The following CSMD1 variants were observed in gnomAD, a reference collection of about 807,000 sequenced individuals.
CSMD1 encodes the protein CUB and Sushi multiple domains 1, also known as CUB and sushi domain-containing protein 1.
A neutral mutation model predicts 417.5 loss-of-function variants in CSMD1; 213 were observed. The ratio of observed to expected loss-of-function variants is 0.51; its 90% CI spans 0.46 to 0.57. CSMD1 has a LOEUF of 0.57. Ranked by LOEUF, CSMD1 falls within the 20% of genes least tolerant of loss-of-function variation. CSMD1 has a pLI of 0.00. For synonymous variants in CSMD1, 2,862 were observed against 1,736.8 expected (o/e 1.65, Z -16.11); for missense variants, 6,923 against 4,529.7 (o/e 1.53, Z -15.17).
chr8:4,109,278 A>G (rs931260104), intron 3 of CSMD1, among the ~76,000 whole-genome samples: 2 of 152,178 alleles, frequency 1.3e-5, no homozygotes, highest in Non-Finnish European at 2.9e-5. Context: ...TTTGCAGAAC[A>G]CACAGATATG....
chr8:4,411,203 G>A (rs1051346373), intron 3 of CSMD1, among the ~76,000 whole-genome samples: 5 of 151,942 alleles, frequency 3.3e-5, no homozygotes, highest in African/African-American at 9.7e-5. Context: ...AATGAACTAG[G>A]AAACCCATCA....
intron 1 of CSMD1, among the ~76,000 whole-genome samples, chr8:4,789,865 CTT>C (rs893364172): frequency 2.0e-5 from 3 of 152,122 alleles, no homozygotes; most frequent in Admixed American, 6.6e-5. Flanking sequence ...TTTTAGTACT[CTT>C]TTATTTTACA....
chr8:3,140,455 G>C (rs1420755692), intron 41 of CSMD1, among the ~76,000 whole-genome samples: 1 of 152,178 alleles, frequency 6.6e-6, no homozygotes, highest in Non-Finnish European at 1.5e-5. Context: ...CACAGAAAGA[G>C]TGTTTCATAG....
At chr8:4,338,657 A>C (rs151078469) in intron 3 of CSMD1, among the ~76,000 whole-genome samples, 3 of 152,232 alleles carry the variant, frequency 2.0e-5, no homozygotes, top group East Asian at 1.9e-4. Context: ...AAATGTGCTC[A>C]CGGGTGAGTC....
intron 1 of CSMD1, among the ~76,000 whole-genome samples, chr8:4,793,014 A>C (rs1455376846): frequency 2.0e-5 from 3 of 151,898 alleles, no homozygotes; most frequent in Non-Finnish European, 4.4e-5. Context: ...ATATCTCCAC[A>C]CACATACATA....
intron 26 of CSMD1, among the ~76,000 whole-genome samples, chr8:3,240,510 T>G (rs563532964): frequency 1.3e-5 from 2 of 151,780 alleles, no homozygotes; most frequent in South Asian, 2.1e-4. Flanking sequence ...TTATGAGAAT[T>G]ACGCCGAGAT....
chr8:3,812,586 T>C (rs1403391743), intron 5 of CSMD1, among the ~76,000 whole-genome samples: 2 of 152,260 alleles, frequency 1.3e-5, no homozygotes, highest in South Asian at 2.1e-4. Flanking sequence ...AGGAAATAAA[T>C]ACTTACGCTA....
At chr8:4,664,156 G>A (rs1052849231) in intron 1 of CSMD1, among the ~76,000 whole-genome samples, 1 of 152,204 alleles carries the variant, frequency 6.6e-6, no homozygotes, top group Non-Finnish European at 1.5e-5. Flanking sequence ...TAAAGAGAGA[G>A]ATACTCTCCC....
chr8:3,994,992 G>C (rs867402731), intron 5 of CSMD1, among the ~76,000 whole-genome samples: 1 of 152,114 alleles, frequency 6.6e-6, no homozygotes, highest in African/African-American at 2.4e-5. Context: ...ATGACCCTGT[G>C]CTTGGGAAGA....
intron 1 of CSMD1, among the ~76,000 whole-genome samples, chr8:4,865,462 G>A (rs536757239): frequency 6.6e-6 from 1 of 151,896 alleles, no homozygotes; most frequent in African/African-American, 2.4e-5. Context: ...ATGACTTTGA[G>A]TAATATATAC....
chr8:4,719,719 G>C (rs186723202), intron 1 of CSMD1, among the ~76,000 whole-genome samples: 124 of 152,180 alleles, frequency 8.1e-4, no homozygotes, highest in African/African-American at 2.7e-3. Context: ...AAGCTACCCA[G>C]TTTTAAATTA....
intron 3 of CSMD1, among the ~76,000 whole-genome samples, chr8:4,182,780 TAAATG>T (rs1257231059): frequency 6.6e-6 from 1 of 152,150 alleles, no homozygotes; most frequent in African/African-American, 2.4e-5. Flanking sequence ...GTCTCATAGT[TAAATG>T]AAGTGAAGGG....
intron 25 of CSMD1, among the ~76,000 whole-genome samples, chr8:3,304,673 G>GTCAGTTCATGCAATAAAAA (rs1804679675): frequency 1.3e-5 from 2 of 151,916 alleles, no homozygotes; most frequent in African/African-American, 4.8e-5. Flanking sequence ...AATTTTTCAA[G>GTCAGTTCATGCAATAAAAA]GTCAGTTCAT....
intron 2 of CSMD1, among the ~76,000 whole-genome samples, chr8:4,542,401 C>G (rs1391502818): frequency 6.6e-6 from 1 of 152,148 alleles, no homozygotes; most frequent in East Asian, 1.9e-4. Flanking sequence ...AGAAGAATAA[C>G]CATTAAAAAT....
At chr8:3,663,186 G>T (rs975439939) in intron 7 of CSMD1, among the ~76,000 whole-genome samples, 1 of 152,106 alleles carries the variant, frequency 6.6e-6, no homozygotes, top group Non-Finnish European at 1.5e-5. Flanking sequence ...TTCATTTCCA[G>T]CACAGAGAAA....
chr8:4,631,228 G>C (rs1293527536), intron 2 of CSMD1, among the ~76,000 whole-genome samples: 1 of 151,952 alleles, frequency 6.6e-6, no homozygotes. Flanking sequence ...CAGGAGTGGT[G>C]GCATGTGCCT....
chr8:3,593,226 G>C (rs1178921913), intron 8 of CSMD1, among the ~76,000 whole-genome samples: 2 of 152,240 alleles, frequency 1.3e-5, no homozygotes, highest in East Asian at 3.8e-4. Context: ...AGCTGGGTGA[G>C]GAGACAGAAC....
At chr8:3,179,041 G>A (rs539149541) in intron 37 of CSMD1, among the ~76,000 whole-genome samples, 12 of 150,594 alleles carry the variant, frequency 8.0e-5, no homozygotes, top group South Asian at 2.1e-4. Context: ...TCTGCCTCCC[G>A]GGTTCACGCC....
intron 62 of CSMD1, among the ~76,000 whole-genome samples, chr8:2,958,677 G>A (rs182511620): frequency 2.7e-4 from 41 of 152,346 alleles, no homozygotes; most frequent in African/African-American, 9.6e-4. Context: ...CAGGGAAGGC[G>A]GGTTTGCACT....
Sources: gnomAD v4.1 joint callset for allele counts (sites outside exome capture counted in the v4.1 genomes callset) on GRCh38, gnomAD v4.1.1 for gene constraint, MANE v1.5 for transcripts, NCBI Gene and HGNC (gene_info 2026-07-23, HGNC 2026-07-21) for gene names.